HERC1: variants seen among roughly 807,000 people sequenced by gnomAD.
HERC1 encodes HECT and RLD domain containing E3 ubiquitin protein ligase family member 1.
HERC1 carries 160 observed loss-of-function variants against 554.3 expected under a neutral mutation model. That is an observed-to-expected ratio of 0.29 (90% CI 0.25 to 0.33). The LOEUF (loss-of-function observed/expected upper bound fraction) is 0.33, where lower values mean the gene tolerates loss of function less well. Among genes scored for constraint, HERC1 ranks in the 10% least tolerant of loss-of-function variants. HERC1 has a pLI of 1.00. For synonymous variants in HERC1, 2,175 were observed against 2,131.7 expected, an observed-to-expected ratio of 1.02 and a Z score of -0.56; for missense variants, 4,919 against 5,918.5, an observed-to-expected ratio of 0.83 and a Z score of 5.54.
chr15:63,615,846 A>G lies in HERC1; in HGVS notation c.14016T>C (p.Ser4672=). The G allele has an allele frequency of 6.2e-7, 1 of 1,607,550 alleles. No individual in the cohort carries two copies. Among genetic ancestry groups the G allele is most frequent in the Middle Eastern group, 1.7e-4 (1 of 6,052 alleles). ...KMVPIIPGGN[S]IPLTFSNRKE... is the part of the protein sequence containing the mutation. ...TCCTGTTGGAAAATGTGAGTGGGAT[A>G]CTATTTCCACCAGGGATTATAGGAA... is the stretch of plus-strand genomic sequence containing the variant. Residue 4672 remains serine, a synonymous_variant, in exon 76 of 78, where the codon AGT becomes AGC. Coordinates refer to ENST00000443617, the MANE Select transcript of HERC1 (RefSeq NM_003922.4).
chr15:63,744,098 C>A (rs1307247536), intron 12 of HERC1, among the ~76,000 whole-genome samples: 1 of 131,190 alleles, frequency 7.6e-6, no homozygotes, highest in African/African-American at 2.9e-5. Context: ...CCCTTACTTT[C>A]TCCCAAACAG....
intron 76 of HERC1, among the ~76,000 whole-genome samples, chr15:63,613,431 TCACCA>T (rs1317004917): frequency 6.6e-6 from 1 of 152,148 alleles, no homozygotes; most frequent in Non-Finnish European, 1.5e-5. Context: ...ACACACAGAC[TCACCA>T]CTGTTCAAGG....
intron 1 of HERC1, among the ~76,000 whole-genome samples, chr15:63,830,481 C>T (rs796489732): frequency 1.3e-5 from 2 of 151,960 alleles, no homozygotes; most frequent in African/African-American, 4.8e-5. Context: ...GAAGAAGACA[C>T]AACAACTAAA....
intron 25 of HERC1, among the ~76,000 whole-genome samples, chr15:63,700,926 C>A (rs1264595206): frequency 1.3e-5 from 2 of 151,208 alleles, no homozygotes; most frequent in Non-Finnish European, 2.9e-5. Context: ...TATATACATT[C>A]TTTTTTCATT....
Position 63,749,353 on chromosome 15 carries a change from A to G in HERC1, c.2219+14T>C, listed in dbSNP as rs770165552. On this transcript the variant is annotated intron_variant, in intron 10 of 77. Transcript: ENST00000443617. The surrounding 1 kb of genome is among the most constrained non-coding windows in gnomAD (Gnocchi z 4.1). ...TTAAAACACACAAGAATTTTTAAAC[A>G]TAGGCACTCTTACCTGTCCCTAGGA... 1.3e-6 allele frequency: 2 copies of G among 1,568,200 alleles called. No homozygotes were observed. Among genetic ancestry groups the G allele is most frequent in the East Asian group, 4.5e-5 (2 of 44,184 alleles).
Position 63,696,255 on chromosome 15 carries a change from A to G in HERC1, c.4990T>C (p.Leu1664=). 2 of 1,613,274 alleles carry G rather than the reference A, an allele frequency of 1.2e-6. No individual in the cohort carries two copies. The highest frequency in any genetic ancestry group is 8.5e-7 in the Non-Finnish European group (1 of 1,179,512). Reference sequence around the variant, plus strand: ...GTGGAGGACTGGAAGCCTGAACTCAATCTGCTTCCTGCCAGTGAGATGCTA... The same window carrying G: ...GTGGAGGACTGGAAGCCTGAACTCAGTCTGCTTCCTGCCAGTGAGATGCTA... ...KGSISLAGSR[L]SSGFQSSTLL... is the part of the protein sequence containing the mutation. The change falls in exon 27 of 78, where the codon TTG becomes CTG. Residue 1664 remains leucine, a synonymous_variant. Coordinates refer to ENST00000443617, the MANE Select transcript of HERC1 (RefSeq NM_003922.4).
rs117856030 is a variant in HERC1 at position 63,764,456 on chromosome 15, C to T, written c.931-265G>A. ...AAAAAGTGATTTATTCCAAGGGACA[C>T]AGGGCTCTCGAAACAATCAAGGAAG... On this transcript the variant is annotated intron_variant, in intron 2 of 77. Transcript: ENST00000443617. Among the ~76,000 whole-genome samples the T allele has an allele frequency of 5.3e-3, 808 of 152,288 alleles. 9 individuals are homozygous for T. Among genetic ancestry groups the T allele is most frequent in the Non-Finnish European group, 6.7e-3 (457 of 68,022 alleles).
chr15:63,769,580 G>T (rs1271939936), intron 2 of HERC1, among the ~76,000 whole-genome samples: 1 of 151,902 alleles, frequency 6.6e-6, no homozygotes, highest in East Asian at 1.9e-4. Context: ...GGGGCCCGGT[G>T]TGGTGGCTCA....
intron 1 of HERC1, among the ~76,000 whole-genome samples, chr15:63,777,694 C>A (rs1001449672): frequency 6.6e-6 from 1 of 152,144 alleles, no homozygotes; most frequent in Non-Finnish European, 1.5e-5. Flanking sequence ...TACATACACA[C>A]ACATCTTTTA....
chr15:63,671,424 A>G (rs936329362), intron 39 of HERC1, among the ~76,000 whole-genome samples: 2 of 152,060 alleles, frequency 1.3e-5, no homozygotes, highest in African/African-American at 4.8e-5. Context: ...TTATTCCTCT[A>G]TCTTCCTTAT....
chr15:63,623,861 T>G lies in HERC1; in HGVS notation c.13475A>C (p.Gln4492Pro). Residue 4492 changes from glutamine (Q) to proline (P), a missense_variant, in exon 73 of 78, where the codon CAA becomes CCA. Physicochemically the swap from Gln to Pro is moderately conservative, Grantham distance 76 (BLOSUM62 -1). Coordinates refer to ENST00000443617, the MANE Select transcript of HERC1 (RefSeq NM_003922.4). Reference sequence around the variant, plus strand: ...CAGCTTAACTACTTGTCTCGCTATTTGGACAAAAATAGGCTTACACTTCCG... The same window carrying G: ...CAGCTTAACTACTTGTCTCGCTATTGGGACAAAAATAGGCTTACACTTCCG... The part of the protein sequence containing the change: ...RGRKCKPIFV[Q>P]IARQVVKLNA... 1 of 1,613,994 alleles carries G rather than the reference T, an allele frequency of 6.2e-7. No homozygotes were observed. The highest frequency in any genetic ancestry group is 8.5e-7 in the Non-Finnish European group (1 of 1,179,888).
intron 77 of HERC1, among the ~76,000 whole-genome samples, chr15:63,611,094 G>A (rs1247954665): frequency 6.6e-6 from 1 of 152,156 alleles, no homozygotes; most frequent in Non-Finnish European, 1.5e-5. Context: ...AAGGAAAGGG[G>A]TGTGAAGAAG....
At chr15:63,764,513 G>T (rs1048430662) in intron 2 of HERC1, among the ~76,000 whole-genome samples, 1 of 152,178 alleles carries the variant, frequency 6.6e-6, no homozygotes, top group East Asian at 1.9e-4. Context: ...CTCTTTGGGT[G>T]ACCAGTATCC....
intron 24 of HERC1, among the ~76,000 whole-genome samples, chr15:63,711,867 T>C (rs2073314072): frequency 6.6e-6 from 1 of 151,796 alleles, no homozygotes; most frequent in African/African-American, 2.4e-5. Flanking sequence ...CCCAGGGAGG[T>C]CATAGCACAT....
At chr15:63,793,252 G>A (rs1295544281) in intron 1 of HERC1, among the ~76,000 whole-genome samples, 1 of 152,118 alleles carries the variant, frequency 6.6e-6, no homozygotes, top group Non-Finnish European at 1.5e-5. Context: ...ACAGGAGGTC[G>A]GCACAAGACA....
At chr15:63,725,999 G>A (rs2074025531) in intron 17 of HERC1, among the ~76,000 whole-genome samples, 1 of 151,916 alleles carries the variant, frequency 6.6e-6, no homozygotes, top group African/African-American at 2.4e-5. Context: ...GTGGAGGGGA[G>A]CAGACAGAGT....
intron 26 of HERC1, among the ~76,000 whole-genome samples, chr15:63,696,606 TTTATC>T (rs1329585827): frequency 6.6e-5 from 10 of 152,148 alleles, no homozygotes; most frequent in African/African-American, 2.4e-4. Flanking sequence ...GACAGACTCT[TTTATC>T]TTACTGTGTG....
rs569954831 is a variant in HERC1 at position 63,756,464 on chromosome 15, C to T, written c.1506G>A (p.Lys502=). 3.1e-6 allele frequency: 5 copies of T among 1,613,746 alleles called. No individual in the cohort carries two copies. The South Asian group carries it at 4.4e-5, about 14-fold the overall frequency. Residue 502 remains lysine (K), a synonymous_variant, in exon 5 of 78, where the codon AAG becomes AAA. Coordinates refer to ENST00000443617, the MANE Select transcript of HERC1 (RefSeq NM_003922.4). This position sits in a 1 kb window ranked among gnomAD's most constrained non-coding sequence, Gnocchi z 5.0. ...HGNSSTQKYP[K]LIQGPLQGKV... is the part of the protein sequence containing the mutation. ...TTCCTTGTAGAGGTCCCTGAATAAGCTTGGGATATTTCTGTGTTGAACTAT... is the reference window on the plus strand; with the variant it reads ...TTCCTTGTAGAGGTCCCTGAATAAGTTTGGGATATTTCTGTGTTGAACTAT...
intron 70 of HERC1, 105 bp downstream of exon 70, chr15:63,628,572 G>A: frequency 8.3e-7 from 1 of 1,208,532 alleles, no homozygotes; most frequent in Non-Finnish European, 1.1e-6. Flanking sequence ...AGGCTTGATG[G>A]TTTCACAACG....
Sources: gnomAD v4.1 joint callset for allele counts (sites outside exome capture counted in the v4.1 genomes callset) on GRCh38, gnomAD v4.1.1 for gene constraint, Gnocchi (gnomAD v3.1) non-coding constraint, MANE v1.5 for transcripts, NCBI Gene and HGNC (gene_info 2026-07-23, HGNC 2026-07-21) for gene names.